Variants in SORCS2 observed in about 807,000 individuals in gnomAD.
SORCS2 encodes the protein VPS10 domain-containing receptor SorCS2.
A neutral mutation model predicts 141.6 loss-of-function variants in SORCS2; 100 were observed. The observed-to-expected ratio is 0.71, with a 90% CI of 0.60 to 0.83. SORCS2 has a LOEUF of 0.83. SORCS2 is among the 40% of genes least tolerant of loss of function. The pLI, the probability that SORCS2 is intolerant of heterozygous loss-of-function variation, is 0.00. For missense variants in SORCS2, 1,646 were observed against 1,560.2 expected (o/e 1.05, Z -0.93); for synonymous variants, 789 against 676.9 (o/e 1.17, Z -2.57).
At chr4:7,717,695 C>T (rs2109047740) in intron 17 of SORCS2, among the ~76,000 whole-genome samples, 1 of 151,584 alleles carries the variant, frequency 6.6e-6, no homozygotes, top group African/African-American at 2.4e-5. Flanking sequence ...GCTTAAACAG[C>T]CCCTCTGCAG....
At chr4:7,391,075 C>A (rs1464329096) in intron 1 of SORCS2, among the ~76,000 whole-genome samples, 1 of 152,202 alleles carries the variant, frequency 6.6e-6, no homozygotes, top group African/African-American at 2.4e-5. Context: ...TCCAAGTTAG[C>A]ACCATTTCTC....
intron 2 of SORCS2, among the ~76,000 whole-genome samples, chr4:7,522,546 C>A (rs912492949): frequency 6.6e-6 from 1 of 152,134 alleles, no homozygotes; most frequent in Non-Finnish European, 1.5e-5. Context: ...ACCTGCGGGA[C>A]GGCACCAGGC....
intron 3 of SORCS2, among the ~76,000 whole-genome samples, chr4:7,536,173 C>A (rs915475115): frequency 1.3e-5 from 2 of 152,208 alleles, no homozygotes; most frequent in African/African-American, 4.8e-5. Flanking sequence ...AGGCAGCAGG[C>A]TCCACTGTTC....
chr4:7,650,908 T>C (rs1225493088), intron 4 of SORCS2, among the ~76,000 whole-genome samples: 1 of 152,134 alleles, frequency 6.6e-6, no homozygotes, highest in African/African-American at 2.4e-5. Flanking sequence ...ATGATGCTTC[T>C]GGGGTGCAAA....
At chr4:7,378,694 C>G (rs3889812) in intron 1 of SORCS2, among the ~76,000 whole-genome samples, 99,186 of 151,996 alleles carry the variant, frequency 0.65, 33,382 homozygotes, top group East Asian at 0.98. Context: ...GTTCCTCCCC[C>G]CCACACTGCT....
At chr4:7,396,147 A>G in intron 1 of SORCS2, 141 bp from the exon 2 acceptor site, 1 of 680,142 alleles carries the variant, frequency 1.5e-6, no homozygotes, top group East Asian at 2.8e-5. Flanking sequence ...AGAGCCTCTC[A>G]GGGATACTGA....
chr4:7,624,176 C>G (rs4689804), intron 3 of SORCS2, among the ~76,000 whole-genome samples: 43,867 of 152,010 alleles, frequency 0.29, 7,030 homozygotes, highest in East Asian at 0.6. Context: ...CATTCATGCC[C>G]ACCGTGATTC....
Position 7,741,952 on chromosome 4 carries a change from T to C in SORCS2, c.*1688T>C, listed in dbSNP as rs1712710941. 6.6e-6 allele frequency: 1 copy of C among 152,108 alleles called. No homozygotes were observed. The highest frequency in any genetic ancestry group is 6.5e-5 in the Admixed American group (1 of 15,274). 9.4% of individuals were successfully genotyped at this position (152,108 alleles called of 1,614,324 possible). On this transcript the variant is annotated 3_prime_UTR_variant, in exon 27 of 27. Transcript: ENST00000507866. The stretch of plus-strand genomic sequence containing the variant: ...ACCACCCATGGAGACTGGAACCTCA[T>C]CTCCCTGGGTCGGGGGGTGTTCAAG...
chr4:7,350,257 A>C (rs1181129964), intron 1 of SORCS2, among the ~76,000 whole-genome samples: 1 of 152,212 alleles, frequency 6.6e-6, no homozygotes, highest in Non-Finnish European at 1.5e-5. Flanking sequence ...TGTTTGCAGC[A>C]ATGTTATTTA....
At chr4:7,433,560 G>T in intron 2 of SORCS2, 1 of 1,611,576 alleles carries the variant, frequency 6.2e-7, no homozygotes, top group East Asian at 2.2e-5. Flanking sequence ...GGGTGACGAA[G>T]TGCTTGCACT....
intron 5 of SORCS2, among the ~76,000 whole-genome samples, chr4:7,657,436 CTGAG>C (rs753998150): frequency 2.5e-4 from 38 of 151,174 alleles, no homozygotes; most frequent in East Asian, 5.9e-4. Flanking sequence ...GAGTGAATGA[CTGAG>C]TGGTGAGTTA....
chr4:7,370,034 C>A (rs1030195291), intron 1 of SORCS2, among the ~76,000 whole-genome samples: 3 of 152,252 alleles, frequency 2.0e-5, no homozygotes, highest in African/African-American at 7.2e-5. Flanking sequence ...GAAGCAGCCA[C>A]GTGAGTGCTG....
chr4:7,472,275 C>T (rs1577620402), intron 2 of SORCS2, among the ~76,000 whole-genome samples: 1 of 152,178 alleles, frequency 6.6e-6, no homozygotes. Context: ...GGGCACTTTC[C>T]CCACCTGCTG....
intron 1 of SORCS2, among the ~76,000 whole-genome samples, chr4:7,253,582 G>A (rs945440599): frequency 1.3e-5 from 2 of 152,142 alleles, no homozygotes; most frequent in East Asian, 3.9e-4. Flanking sequence ...TGGCCAGGGC[G>A]CCCCCAGCTC....
intron 1 of SORCS2, among the ~76,000 whole-genome samples, chr4:7,223,911 C>A (rs1728858714): frequency 6.6e-6 from 1 of 152,032 alleles, no homozygotes. Flanking sequence ...GTCCTCTGGG[C>A]CTCAGTTTTC....
At chr4:7,433,889 A>T (rs763474000) in intron 2 of SORCS2, 1 of 1,613,846 alleles carries the variant, frequency 6.2e-7, no homozygotes, top group South Asian at 1.1e-5. Flanking sequence ...TTCGTGATAG[A>T]GGCAGGCATT....
chr4:7,676,179 G>A lies in SORCS2; in HGVS notation c.1291G>A (p.Val431Met), dbSNP rs530619049. The part of the protein sequence containing the change: ...GVRYALVLQD[V>M]RSSRQAEESV... ...GCGCTACGCGCTGGTGCTGCAGGAC[G>A]TGCGCAGCTCACGGCAGGCGGAGGA... The change falls in exon 9 of 27, where the codon GTG (valine) becomes ATG (methionine). Residue 431 changes from valine to methionine, a missense_variant. Coordinates refer to ENST00000507866, the MANE Select transcript of SORCS2 (RefSeq NM_020777.3). The A allele has an allele frequency of 5.1e-5, 79 of 1,555,810 alleles. No homozygotes were observed. Among genetic ancestry groups the A allele is most frequent in the Non-Finnish European group, 6.0e-5 (69 of 1,149,448 alleles).
At chr4:7,682,718 A>C in intron 9 of SORCS2, 25 bp from the exon 10 acceptor site, 5 of 1,594,086 alleles carry the variant, frequency 3.1e-6, no homozygotes, top group Non-Finnish European at 4.3e-6. Context: ...GTAAGTTTAC[A>C]GTCCTTCTTT....
At chr4:7,371,197 C>A (rs996561574) in intron 1 of SORCS2, among the ~76,000 whole-genome samples, 4 of 152,304 alleles carry the variant, frequency 2.6e-5, no homozygotes, top group African/African-American at 7.2e-5. Flanking sequence ...TGCATTCCTG[C>A]GAAGGTCTAT....
Sources: gnomAD v4.1 joint callset for allele counts (sites outside exome capture counted in the v4.1 genomes callset) on GRCh38, gnomAD v4.1.1 for gene constraint, MANE v1.5 for transcripts, NCBI Gene and HGNC (gene_info 2026-07-23, HGNC 2026-07-21) for gene names.